Variants in CASD1 observed in about 807,000 individuals in gnomAD.
CASD1 encodes the protein CAS1 domain sialic acid O acetyltransferase 1.
Under a neutral mutation model 100.0 loss-of-function variants are expected in CASD1, and 41 were observed. The ratio of observed to expected loss-of-function variants is 0.41; its 90% CI spans 0.32 to 0.53. The LOEUF (loss-of-function observed/expected upper bound fraction) is 0.53. CASD1 is among the 20% of genes least tolerant of loss of function. The pLI is 0.25. For missense variants in CASD1, 774 were observed against 948.7 expected, an observed-to-expected ratio of 0.82 and a Z score of 2.42; for synonymous variants, 321 against 315.6, an observed-to-expected ratio of 1.02 and a Z score of -0.18.
At chr7:94,520,403 T>A (rs1312637533) in intron 3 of CASD1, among the ~76,000 whole-genome samples, 4 of 152,194 alleles carry the variant, frequency 2.6e-5, no homozygotes, top group African/African-American at 7.2e-5. Context: ...CAAATTTTTT[T>A]AAAAAGAGAC....
chr7:94,525,385 A>G (rs541809619), intron 3 of CASD1, among the ~76,000 whole-genome samples: 1 of 152,322 alleles, frequency 6.6e-6, no homozygotes, highest in East Asian at 1.9e-4. Flanking sequence ...TGGGTGAAGC[A>G]GGGACTTAAG....
the CASD1 span, among the ~76,000 whole-genome samples, chr7:94,632,116 A>G: frequency 6.6e-6 from 1 of 152,078 alleles, no homozygotes; most frequent in African/African-American, 2.4e-5. Flanking sequence ...TCTGTAGATT[A>G]TCATCCTTCA....
At chr7:94,548,643 T>C (rs1380931091) in intron 13 of CASD1, among the ~76,000 whole-genome samples, 1 of 151,864 alleles carries the variant, frequency 6.6e-6, no homozygotes, top group African/African-American at 2.4e-5. Flanking sequence ...TCTTCTGACC[T>C]AAAGACTCAG....
At chr7:94,512,656 C>A (rs1420058318) in intron 1 of CASD1, among the ~76,000 whole-genome samples, 3 of 152,152 alleles carry the variant, frequency 2.0e-5, no homozygotes, top group African/African-American at 7.2e-5. Context: ...TATAACCATT[C>A]TATGAGGTAG....
chr7:94,527,697 G>A (rs920606806), intron 4 of CASD1, among the ~76,000 whole-genome samples: 18 of 152,176 alleles, frequency 1.2e-4, no homozygotes, highest in Non-Finnish European at 1.5e-4. Flanking sequence ...CAGGCTCAGT[G>A]GAAGAGTTTT....
chr7:94,524,447 T>C (rs890783117), intron 3 of CASD1, among the ~76,000 whole-genome samples: 24 of 152,080 alleles, frequency 1.6e-4, no homozygotes, highest in African/African-American at 5.5e-4. Flanking sequence ...TTATACCTAC[T>C]ATAATGGCAG....
At chr7:94,613,674 C>G in the CASD1 span, among the ~76,000 whole-genome samples, 1 of 152,082 alleles carries the variant, frequency 6.6e-6, no homozygotes, top group East Asian at 1.9e-4. Flanking sequence ...GTAGAAACTC[C>G]ACTGTTTCCA....
the CASD1 span, among the ~76,000 whole-genome samples, chr7:94,565,265 C>G: frequency 6.6e-6 from 1 of 152,102 alleles, no homozygotes; most frequent in Non-Finnish European, 1.5e-5. Context: ...ATTCCCAACC[C>G]ATGTTTCAGA....
rs751507152 is a variant in CASD1, at chr7:94,533,180, A to G, written c.460-25A>G. ...AATTCCCTGAACTGATTATAATACT[A>G]TGATAAAGATTTGTCTTCCTTTAGG... On this transcript the variant is annotated intron_variant, in intron 5 of 17. Coordinates refer to ENST00000297273, the MANE Select transcript of CASD1 (RefSeq NM_022900.5). 15 of 1,578,136 alleles carry G rather than the reference A, an allele frequency of 9.5e-6. No homozygotes were observed. The East Asian group carries it at 2.0e-4, about 21-fold the overall frequency.
chr7:94,545,729 TA>T, intron 12 of CASD1, 28 bp downstream of exon 12: 1 of 1,442,062 alleles, frequency 6.9e-7, no homozygotes, highest in African/African-American at 1.4e-5. Context: ...CTAATGTTAG[TA>T]AATATATTTT....
At chr7:94,615,868 A>G in the CASD1 span, among the ~76,000 whole-genome samples, 1 of 152,220 alleles carries the variant, frequency 6.6e-6, no homozygotes, top group African/African-American at 2.4e-5. Context: ...ATCCCAGGCT[A>G]AATACATCCA....
At chr7:94,512,499 TCTTG>T (rs1793763199) in intron 1 of CASD1, among the ~76,000 whole-genome samples, 1 of 152,214 alleles carries the variant, frequency 6.6e-6, no homozygotes, top group Admixed American at 6.5e-5. Context: ...ATTCAGTATC[TCTTG>T]CTTTACAAAC....
At chr7:94,571,040 C>CTT in the CASD1 span, among the ~76,000 whole-genome samples, 247 of 138,638 alleles carry the variant, frequency 1.8e-3, no homozygotes, top group African/African-American at 2.8e-3. Flanking sequence ...TTAAATTCTC[C>CTT]TTTTTTTTTT....
At chr7:94,553,498 T>G (rs17166352) in intron 16 of CASD1, among the ~76,000 whole-genome samples, 11,586 of 152,234 alleles carry the variant, frequency 0.076, 1,443 homozygotes, top group African/African-American at 0.26. Context: ...TAGAGACTTC[T>G]TAGATCCTTT....
At chr7:94,527,044 G>C in intron 3 of CASD1, 118 bp from the exon 4 acceptor site, 1 of 733,312 alleles carries the variant, frequency 1.4e-6, no homozygotes, top group Non-Finnish European at 2.3e-6. Context: ...TTGAGATTTG[G>C]TGCATAAAAA....
the CASD1 span, chr7:94,585,344 G>C: frequency 5.1e-5 from 30 of 590,526 alleles, no homozygotes; most frequent in African/African-American, 3.6e-4. Flanking sequence ...TTAGTAAAAT[G>C]AAAGTTATGT....
the CASD1 span, chr7:94,599,616 GAC>G: frequency 2.6e-5 from 27 of 1,051,446 alleles, no homozygotes; most frequent in South Asian, 4.0e-5. Flanking sequence ...AAAAAAGCTT[GAC>G]ACACATGTAT....
chr7:94,521,069 C>T lies in CASD1; in HGVS notation c.351+2746C>T, dbSNP rs964808419. ...ATCATGCCACTGCACTCCAGCCTGG[C>T]GACAGAGTGAGACTCTGTCTCAAAA... On this transcript the variant is annotated intron_variant, in intron 3 of 17. Coordinates refer to ENST00000297273, the MANE Select transcript of CASD1 (RefSeq NM_022900.5). Among the ~76,000 whole-genome samples the T allele has an allele frequency of 5.9e-5, 9 of 151,604 alleles. No homozygotes were observed. The East Asian group carries it at 1.5e-3, about 26-fold the overall frequency.
chr7:94,522,130 A>G (rs1794312975), intron 3 of CASD1, among the ~76,000 whole-genome samples: 1 of 152,188 alleles, frequency 6.6e-6, no homozygotes. Context: ...GTCAAAATAA[A>G]TGCAAGTAGC....
Sources: gnomAD v4.1 joint callset for allele counts (sites outside exome capture counted in the v4.1 genomes callset) on GRCh38, gnomAD v4.1.1 for gene constraint, MANE v1.5 for transcripts, NCBI Gene and HGNC (gene_info 2026-07-23, HGNC 2026-07-21) for gene names.